Variants in ZSWIM6 observed in about 807,000 individuals in gnomAD.
ZSWIM6 encodes zinc finger SWIM domain-containing protein 6.
ZSWIM6 carries 9 observed loss-of-function variants against 113.2 expected under a neutral mutation model. The ratio of observed to expected loss-of-function variants is 0.08; its 90% CI spans 0.05 to 0.14. The LOEUF is 0.14. Ranked by LOEUF, ZSWIM6 falls within the 10% of genes least tolerant of loss-of-function variation. The pLI is 1.00. For missense variants in ZSWIM6, 1,162 were observed against 1,552.2 expected, an observed-to-expected ratio of 0.75 and a Z score of 4.22; for synonymous variants, 611 against 606.5, an observed-to-expected ratio of 1.01 and a Z score of -0.11.
chr5:61,390,187 T>C (rs1279954325), intron 1 of ZSWIM6, among the ~76,000 whole-genome samples: 1 of 152,250 alleles, frequency 6.6e-6, no homozygotes, highest in East Asian at 1.9e-4. Context: ...TGTAATGATA[T>C]TGTGACATTT....
chr5:61,405,909 C>T (rs1561224990), intron 1 of ZSWIM6, among the ~76,000 whole-genome samples: 1 of 152,146 alleles, frequency 6.6e-6, no homozygotes, highest in Non-Finnish European at 1.5e-5. Context: ...GTATATGTAT[C>T]ACACAAAGAA....
chr5:61,453,897 T>C (rs1282931377), intron 1 of ZSWIM6, among the ~76,000 whole-genome samples: 1 of 152,156 alleles, frequency 6.6e-6, no homozygotes, highest in Admixed American at 6.5e-5. Context: ...TATGCAGATA[T>C]TCTGTTTTTC....
At chr5:61,393,595 G>A (rs1579972795) in intron 1 of ZSWIM6, among the ~76,000 whole-genome samples, 3 of 152,060 alleles carry the variant, frequency 2.0e-5, no homozygotes, top group East Asian at 1.9e-4. Context: ...CTTTTAGGCC[G>A]GGCGTGGTGG....
intron 1 of ZSWIM6, among the ~76,000 whole-genome samples, chr5:61,335,227 T>C (rs1744368228): frequency 6.6e-6 from 1 of 152,226 alleles, no homozygotes; most frequent in Admixed American, 6.5e-5. Context: ...GTTTCTCGTG[T>C]AGACTGAAGA....
chr5:61,473,099 ATTC>A, intron 2 of ZSWIM6, 62 bp downstream of exon 2: 1 of 1,066,838 alleles, frequency 9.4e-7, no homozygotes, highest in East Asian at 2.7e-5. Flanking sequence ...TATAAATTCA[ATTC>A]TTCTGCATAA....
intron 1 of ZSWIM6, among the ~76,000 whole-genome samples, chr5:61,471,094 T>A (rs1395750991): frequency 2.0e-5 from 3 of 152,332 alleles, no homozygotes; most frequent in African/African-American, 7.2e-5. Flanking sequence ...GAAGGGGAAC[T>A]GGAAGAAACA....
At chr5:61,447,860 C>T (rs933176976) in intron 1 of ZSWIM6, among the ~76,000 whole-genome samples, 6 of 152,104 alleles carry the variant, frequency 3.9e-5, no homozygotes, top group Non-Finnish European at 7.4e-5. Context: ...ATCTATCTCC[C>T]TGATGGACTA....
At chr5:61,503,848 T>C (rs1748535483) in intron 4 of ZSWIM6, among the ~76,000 whole-genome samples, 1 of 152,182 alleles carries the variant, frequency 6.6e-6, no homozygotes. Context: ...GTATCGTCAG[T>C]TATTGTCTTT....
intron 4 of ZSWIM6, among the ~76,000 whole-genome samples, chr5:61,519,188 A>G (rs542270221): frequency 5.9e-5 from 9 of 152,254 alleles, no homozygotes; most frequent in Admixed American, 3.3e-4. Context: ...GATAGTTCCA[A>G]TGTCAGTTAG....
chr5:61,398,017 T>C (rs1339453063), intron 1 of ZSWIM6, among the ~76,000 whole-genome samples: 1 of 152,192 alleles, frequency 6.6e-6, no homozygotes, highest in East Asian at 1.9e-4. Flanking sequence ...AGAATCTCAA[T>C]AGTATTTCAG....
chr5:61,415,448 C>T (rs1471217488), intron 1 of ZSWIM6, among the ~76,000 whole-genome samples: 1 of 152,146 alleles, frequency 6.6e-6, no homozygotes, highest in East Asian at 1.9e-4. Context: ...AAAAATTAGC[C>T]GGGCGTGGTG....
intron 2 of ZSWIM6, among the ~76,000 whole-genome samples, chr5:61,489,040 CT>C (rs1748106796): frequency 6.6e-6 from 1 of 152,006 alleles, no homozygotes; most frequent in Admixed American, 6.6e-5. Context: ...GATCCTGCTT[CT>C]TTTCTCCAGG....
chr5:61,333,968 C>G (rs1442004934), intron 1 of ZSWIM6, among the ~76,000 whole-genome samples: 1 of 152,188 alleles, frequency 6.6e-6, no homozygotes, highest in Non-Finnish European at 1.5e-5. Flanking sequence ...CCCCGCGGCG[C>G]GGCAGCCCGG....
intron 1 of ZSWIM6, among the ~76,000 whole-genome samples, chr5:61,355,176 A>G (rs1744872811): frequency 6.6e-6 from 1 of 152,166 alleles, no homozygotes; most frequent in Admixed American, 6.5e-5. Flanking sequence ...TCAAAGGACC[A>G]GATACGTCAG....
At chr5:61,420,768 A>G (rs906588086) in intron 1 of ZSWIM6, among the ~76,000 whole-genome samples, 11 of 152,236 alleles carry the variant, frequency 7.2e-5, no homozygotes, top group Non-Finnish European at 1.5e-4. Context: ...ACATCAGGGT[A>G]AATGGCATAT....
chr5:61,428,224 T>C (rs1481111369), intron 1 of ZSWIM6, among the ~76,000 whole-genome samples: 1 of 152,178 alleles, frequency 6.6e-6, no homozygotes, highest in Non-Finnish European at 1.5e-5. Flanking sequence ...TTAAGGACTG[T>C]CATATGTTTT....
rs374218252 is a variant in ZSWIM6 at position 61,417,569 on chromosome 5, G to A, written c.677-55112G>A. 2.6e-5 allele frequency among the ~76,000 whole-genome samples: 4 copies of A among 152,160 alleles called. No individual in the cohort carries two copies. In the East Asian group the frequency reaches 7.7e-4, roughly 29 times the overall value. On this transcript the variant is annotated intron_variant, in intron 1 of 13. Transcript: ENST00000252744. The stretch of plus-strand genomic sequence containing the variant: ...TGTGTGGATTGTGTGAGTAGAGTCT[G>A]AAACATAAATGAAAAGCAAAAGCTA...
At chr5:61,350,119 G>A (rs1281039022) in intron 1 of ZSWIM6, among the ~76,000 whole-genome samples, 1 of 152,198 alleles carries the variant, frequency 6.6e-6, no homozygotes, top group Non-Finnish European at 1.5e-5. Context: ...TACTCTCAGT[G>A]CTTGGCCCCT....
chr5:61,452,828 A>G (rs893526551), intron 1 of ZSWIM6, among the ~76,000 whole-genome samples: 20 of 152,188 alleles, frequency 1.3e-4, no homozygotes, highest in Admixed American at 6.5e-5. Context: ...CCAGGATACC[A>G]TATTGTATTT....
Sources: allele counts gnomAD v4.1 joint callset (sites outside exome capture counted in the v4.1 genomes callset), GRCh38; gene constraint gnomAD v4.1.1; transcripts MANE v1.5; gene names NCBI Gene and HGNC (gene_info 2026-07-23, HGNC 2026-07-21).